The following RIPOR2 variants were observed in gnomAD, a reference collection of about 807,000 sequenced individuals.
RIPOR2 encodes RHO family interacting cell polarization regulator 2, also known as rho family-interacting cell polarization regulator 2.
A neutral mutation model predicts 114.5 loss-of-function variants in RIPOR2; 39 were observed. The observed-to-expected ratio is 0.34, with a 90% confidence interval of 0.26 to 0.44. The LOEUF is 0.44. Among genes scored for constraint, RIPOR2 ranks in the 20% least tolerant of loss-of-function variants. The pLI is 1.00. For missense variants in RIPOR2, 1,007 were observed against 1,255.1 expected, an observed-to-expected ratio of 0.80 and a Z score of 2.99; for synonymous variants, 445 against 484.4, an observed-to-expected ratio of 0.92 and a Z score of 1.07.
intron 8 of RIPOR2, among the ~76,000 whole-genome samples, chr6:24,860,403 C>A (rs1763959990): frequency 6.6e-6 from 1 of 152,122 alleles, no homozygotes; most frequent in Non-Finnish European, 1.5e-5. Flanking sequence ...AATGCATGGA[C>A]CTTGTTGGGA....
chr6:24,845,522 T>C (rs567662123), intron 12 of RIPOR2, among the ~76,000 whole-genome samples: 1 of 152,184 alleles, frequency 6.6e-6, no homozygotes, highest in South Asian at 2.1e-4. Flanking sequence ...GCAGGGAGAT[T>C]GGGTAGTCAG....
intron 7 of RIPOR2, among the ~76,000 whole-genome samples, chr6:24,861,658 A>T (rs4712863): frequency 0.82 from 125,236 of 152,196 alleles, 51,602 homozygotes; most frequent in Middle Eastern, 0.84. Context: ...CAAAACATCA[A>T]GTTGTATACC....
At chr6:24,867,177 C>G (rs1421122683) in intron 6 of RIPOR2, among the ~76,000 whole-genome samples, 1 of 152,222 alleles carries the variant, frequency 6.6e-6, no homozygotes, top group Non-Finnish European at 1.5e-5. Context: ...AAAGAATCAT[C>G]TTTAATCTTC....
rs369313124 is a variant in RIPOR2, at chr6:24,926,924, T to C, written c.61+8914A>G. ...ACCATCATCACCACCACCATCATCA[T>C]CACCACCACCACCATGATTATTATA... On this transcript the variant is annotated intron_variant, in intron 1 of 21. Transcript: ENST00000643898. Among the ~76,000 whole-genome samples the C allele has an allele frequency of 1.4e-3, 199 of 146,162 alleles. 3 individuals are homozygous for C. In the Middle Eastern group the frequency reaches 0.015, roughly 11 times the overall value.
intron 1 of RIPOR2, among the ~76,000 whole-genome samples, chr6:24,893,469 C>T (rs929454674): frequency 3.3e-5 from 5 of 152,174 alleles, no homozygotes; most frequent in African/African-American, 1.2e-4. Context: ...AACCCTTGTC[C>T]TCCTCAGGTC....
At chr6:24,974,383 C>CAAAA (rs1554126792) in intron 1 of RIPOR2, among the ~76,000 whole-genome samples, 16 of 150,420 alleles carry the variant, frequency 1.1e-4, no homozygotes, top group African/African-American at 4.0e-4. Flanking sequence ...AACCAAAAAA[C>CAAAA]AAACAAACAA....
intron 8 of RIPOR2, among the ~76,000 whole-genome samples, chr6:24,856,136 CG>C (rs201265773): frequency 1.0e-3 from 149 of 142,974 alleles, no homozygotes; most frequent in African/African-American, 3.6e-3. Context: ...AAAAGGTCCC[CG>C]GATGCTTAAA....
At chr6:24,941,671 C>A (rs565940425) in intron 1 of RIPOR2, among the ~76,000 whole-genome samples, 305 of 152,312 alleles carry the variant, frequency 2.0e-3, no homozygotes, top group Middle Eastern at 0.01. Flanking sequence ...AATGTAATCA[C>A]AAAGCCTCTC....
At chr6:24,836,187 T>G (rs1177717796) in intron 14 of RIPOR2, 2 of 297,456 alleles carry the variant, frequency 6.7e-6, no homozygotes, top group Non-Finnish European at 1.3e-5. Flanking sequence ...TGCACTTTCC[T>G]GCTCTGTTGA....
chr6:24,824,621 G>A (rs1430868061), intron 19 of RIPOR2, among the ~76,000 whole-genome samples: 1 of 152,082 alleles, frequency 6.6e-6, no homozygotes, highest in Non-Finnish European at 1.5e-5. Context: ...CTGAGGGAGA[G>A]ATAAATTACC....
intron 1 of RIPOR2, among the ~76,000 whole-genome samples, chr6:24,967,432 C>T (rs963016149): frequency 6.6e-6 from 1 of 152,170 alleles, no homozygotes; most frequent in Non-Finnish European, 1.5e-5. Context: ...GAAGCAGGGC[C>T]TTGGTACCAT....
chr6:24,926,614 C>T (rs1770874357), intron 1 of RIPOR2, among the ~76,000 whole-genome samples: 1 of 152,098 alleles, frequency 6.6e-6, no homozygotes, highest in Non-Finnish European at 1.5e-5. Context: ...GTCGCAATAG[C>T]TCTGCTTTAA....
chr6:25,008,695 A>C (rs924666319), intron 1 of RIPOR2, among the ~76,000 whole-genome samples: 1 of 152,260 alleles, frequency 6.6e-6, no homozygotes, highest in African/African-American at 2.4e-5. Flanking sequence ...GAAAGGGAGC[A>C]GGAGATGATT....
chr6:25,013,799 A>G (rs1775867554), intron 1 of RIPOR2, among the ~76,000 whole-genome samples: 1 of 152,204 alleles, frequency 6.6e-6, no homozygotes, highest in Non-Finnish European at 1.5e-5. Context: ...CCTGTAGTTC[A>G]GTCTCCCACT....
rs1763735069 is a variant in RIPOR2, at chr6:24,858,686, C to A, written c.715+2287G>T. Reference sequence around the variant, plus strand: ...AGATTTAGTCTCAGGCCTGAGAAACCCCATGGAAGAAACCAAGCGTTCAGG... The same window carrying A: ...AGATTTAGTCTCAGGCCTGAGAAACACCATGGAAGAAACCAAGCGTTCAGG... On this transcript the variant is annotated intron_variant, in intron 8 of 21. Transcript: ENST00000643898. This position sits in a 1 kb window ranked among gnomAD's most constrained non-coding sequence, Gnocchi z 4.0. 6.6e-6 allele frequency among the ~76,000 whole-genome samples: 1 copy of A among 151,996 alleles called. No individual in the cohort carries two copies. Among genetic ancestry groups the A allele is most frequent in the Non-Finnish European group, 1.5e-5 (1 of 68,000 alleles).
rs1425715421 is a variant in RIPOR2 at position 24,806,253 on chromosome 6, T to A, written c.*120A>T. 1 of 740,792 alleles carries A rather than the reference T, an allele frequency of 1.3e-6. No homozygotes were observed. Among genetic ancestry groups the A allele is most frequent in the African/African-American group, 1.8e-5 (1 of 56,154 alleles). 45.9% of individuals were successfully genotyped at this position (740,792 alleles called of 1,614,324 possible). Reference sequence around the variant, plus strand: ...CAGGCATGAGCCACTGCACCTGGCCTACATTTTTATTTCAGTTGTCGTGTC... The same window carrying A: ...CAGGCATGAGCCACTGCACCTGGCCAACATTTTTATTTCAGTTGTCGTGTC... On this transcript the variant is annotated 3_prime_UTR_variant, in exon 22 of 22. Coordinates refer to ENST00000643898, the MANE Select transcript of RIPOR2 (RefSeq NM_001286445.3).
chr6:24,964,608 A>C (rs887546289), intron 1 of RIPOR2, among the ~76,000 whole-genome samples: 1 of 152,220 alleles, frequency 6.6e-6, no homozygotes, highest in Non-Finnish European at 1.5e-5. Flanking sequence ...ACATTTGTGT[A>C]CAGGTTTTTG....
At chr6:24,922,739 A>C (rs1269514423) in intron 1 of RIPOR2, among the ~76,000 whole-genome samples, 1 of 151,318 alleles carries the variant, frequency 6.6e-6, no homozygotes, top group African/African-American at 2.4e-5. Flanking sequence ...GTGCACCTGT[A>C]GTTCCAGCTA....
chr6:24,963,486 A>G (rs1773394802), intron 1 of RIPOR2, among the ~76,000 whole-genome samples: 1 of 152,240 alleles, frequency 6.6e-6, no homozygotes, highest in Admixed American at 6.5e-5. Context: ...CAAGTGTAAA[A>G]TAATAGAATA....
Sources: allele counts gnomAD v4.1 joint callset (sites outside exome capture counted in the v4.1 genomes callset), GRCh38; gene constraint gnomAD v4.1.1; non-coding constraint Gnocchi (gnomAD v3.1); transcripts MANE v1.5; gene names NCBI Gene and HGNC (gene_info 2026-07-23, HGNC 2026-07-21).